The following RNASE4 variants were observed in gnomAD, a reference collection of about 807,000 sequenced individuals.
RNASE4 encodes the protein ribonuclease A family member 4.
For missense variants in RNASE4, 194 were observed against 192.8 expected (o/e 1.01, Z -0.04); for synonymous variants, 93 against 71.4 (o/e 1.30, Z -1.52).
At chr14:20,688,545 A>G (rs1566598727) in intron 1 of RNASE4, 8 of 221,466 alleles carry the variant, frequency 3.6e-5, no homozygotes. Context: ...CACCACAGAC[A>G]GCAGAAAAGG....
chr14:20,691,302 C>T (rs1005722069), intron 1 of RNASE4, among the ~76,000 whole-genome samples: 5 of 152,190 alleles, frequency 3.3e-5, no homozygotes, highest in Admixed American at 3.3e-4. Flanking sequence ...AGAATGTTGA[C>T]TGTGTAAGGC....
intron 1 of RNASE4, among the ~76,000 whole-genome samples, chr14:20,685,947 G>C (rs1886404017): frequency 6.6e-6 from 1 of 151,862 alleles, no homozygotes; most frequent in Non-Finnish European, 1.5e-5. Context: ...GGCTGAGACA[G>C]GAGACTCTCT....
chr14:20,696,023 C>A (rs1390681844), intron 1 of RNASE4, among the ~76,000 whole-genome samples: 1 of 152,164 alleles, frequency 6.6e-6, no homozygotes, highest in Non-Finnish European at 1.5e-5. Context: ...TATTTGGGCC[C>A]TTTTCTCAAG....
At chr14:20,691,105 C>A (rs540400163) in intron 1 of RNASE4, among the ~76,000 whole-genome samples, 15 of 152,326 alleles carry the variant, frequency 9.8e-5, no homozygotes, top group Middle Eastern at 6.8e-3. Flanking sequence ...AGCTCATACT[C>A]CCTTCTGTGA....
intron 1 of RNASE4, among the ~76,000 whole-genome samples, chr14:20,686,120 A>G (rs1886415210): frequency 6.6e-6 from 1 of 151,764 alleles, no homozygotes; most frequent in Non-Finnish European, 1.5e-5. Context: ...TGGGCAATAC[A>G]TGTCTCTTTC....
At position 20,686,129 on chromosome 14, in the gene RNASE4, T is replaced by C. The variant is rs142457415; in HGVS notation, c.-18+1371T>C. The stretch of plus-strand genomic sequence containing the variant: ...GTTCCTTGGGCAATACATGTCTCTT[T>C]CTCTGTTCCTCAGTTGGCTCTTCTT... On this transcript the variant is annotated intron_variant, in intron 1 of 1. Coordinates refer to ENST00000555835, the MANE Select transcript of RNASE4 (RefSeq NM_002937.5). Among the ~76,000 whole-genome samples the C allele has an allele frequency of 2.6e-4, 40 of 152,228 alleles. 1 individual carries two copies. In the East Asian group the frequency reaches 7.1e-3, roughly 27 times the overall value.
At position 20,695,903 on chromosome 14, in the gene RNASE4, C is replaced by T. The variant is rs138916480; in HGVS notation, c.-17-3452C>T. Among the ~76,000 whole-genome samples the T allele has an allele frequency of 3.7e-4, 57 of 152,358 alleles. No individual in the cohort carries two copies. In the East Asian group the frequency reaches 8.9e-3, roughly 24 times the overall value. On this transcript the variant is annotated intron_variant, in intron 1 of 1. Transcript: ENST00000555835. ...TTCAAAACTGAAAACACTGTCATTC[C>T]TTAAGAAAATAGGAAAAAGTATTCC...
intron 1 of RNASE4, chr14:20,698,905 T>C (rs1594214381): frequency 6.5e-6 from 1 of 153,702 alleles, no homozygotes; most frequent in East Asian, 1.9e-4. Flanking sequence ...TTGTAAACTT[T>C]CTGTGACGTA....
intron 1 of RNASE4, among the ~76,000 whole-genome samples, chr14:20,686,254 G>A (rs941292219): frequency 6.6e-6 from 1 of 152,140 alleles, no homozygotes; most frequent in African/African-American, 2.4e-5. Context: ...AGGCACTCTA[G>A]TAATGTGGAG....
chr14:20,693,797 A>G lies in RNASE4; in HGVS notation c.-17-5558A>G, dbSNP rs758743573. The stretch of plus-strand genomic sequence containing the variant: ...ATTCATGGCAACAAGCGCAGCATCA[A>G]GGCCATCTGTGAAAACAAGAATGGA... On this transcript the variant is annotated intron_variant, in intron 1 of 1. Coordinates refer to ENST00000555835, the MANE Select transcript of RNASE4 (RefSeq NM_002937.5). 6 of 1,614,214 alleles carry G rather than the reference A, an allele frequency of 3.7e-6. No homozygotes were observed. In the South Asian group the frequency reaches 5.5e-5, roughly 15 times the overall value.
At position 20,690,038 on chromosome 14, in the gene RNASE4, A is replaced by ACCCCGTCTCT. The variant is rs1418545643; in HGVS notation, c.-18+5281_-18+5290dup. ...AGACCATCCTGGCTAACAAGGTGAA[A>ACCCCGTCTCT]CCCCGTCTCTACTAAAAATACAAAA... On this transcript the variant is annotated intron_variant, in intron 1 of 1. Transcript: ENST00000555835. Among the ~76,000 whole-genome samples the ACCCCGTCTCT allele has an allele frequency of 4.7e-5, 7 of 147,564 alleles. No homozygotes were observed. In the East Asian group the frequency reaches 1.4e-3, roughly 29 times the overall value.
intron 1 of RNASE4, chr14:20,688,593 G>A: frequency 1.4e-6 from 1 of 737,110 alleles, no homozygotes; most frequent in Non-Finnish European, 1.7e-6. Context: ...CTCAAACTTT[G>A]TCTTCCAGAA....
intron 1 of RNASE4, among the ~76,000 whole-genome samples, chr14:20,692,240 A>T (rs1045936814): frequency 6.6e-5 from 10 of 152,238 alleles, no homozygotes; most frequent in Admixed American, 1.3e-4. Flanking sequence ...ATGTGTGATG[A>T]CTACCAAGAA....
At chr14:20,689,915 C>CAAAA (rs58958050) in intron 1 of RNASE4, among the ~76,000 whole-genome samples, 57 of 121,548 alleles carry the variant, frequency 4.7e-4, no homozygotes, top group African/African-American at 1.6e-3. Flanking sequence ...GACTCTGTCT[C>CAAAA]AAAAAAAAAA....
intron 1 of RNASE4, among the ~76,000 whole-genome samples, chr14:20,698,019 T>G (rs886705868): frequency 6.6e-6 from 1 of 152,162 alleles, no homozygotes; most frequent in African/African-American, 2.4e-5. Context: ...TAAATGTCTT[T>G]GATATCCTGA....
At chr14:20,692,466 A>T (rs759592730) in intron 1 of RNASE4, among the ~76,000 whole-genome samples, 1 of 152,226 alleles carries the variant, frequency 6.6e-6, no homozygotes, top group Non-Finnish European at 1.5e-5. Flanking sequence ...AGGTCCCCAA[A>T]TCCCGGTCTG....
At chr14:20,692,972 CG>C (rs1566601533) in intron 1 of RNASE4, among the ~76,000 whole-genome samples, 1 of 151,772 alleles carries the variant, frequency 6.6e-6, no homozygotes, top group Non-Finnish European at 1.5e-5. Context: ...CTCAGCCTCC[CG>C]AGTAGCTGGG....
At chr14:20,697,082 C>A (rs1887117728) in intron 1 of RNASE4, among the ~76,000 whole-genome samples, 1 of 152,178 alleles carries the variant, frequency 6.6e-6, no homozygotes, top group Admixed American at 6.5e-5. Context: ...CCATTGGTAT[C>A]CACACTGGCC....
At chr14:20,691,917 C>A (rs1594207316) in intron 1 of RNASE4, among the ~76,000 whole-genome samples, 1 of 152,210 alleles carries the variant, frequency 6.6e-6, no homozygotes, top group South Asian at 2.1e-4. Context: ...TCAGAACAGG[C>A]TAGCCACACC....
Sources: gnomAD v4.1 joint callset for allele counts (sites outside exome capture counted in the v4.1 genomes callset) on GRCh38, gnomAD v4.1.1 for gene constraint, MANE v1.5 for transcripts, NCBI Gene and HGNC (gene_info 2026-07-23, HGNC 2026-07-21) for gene names.